ADGRL2: variants seen among roughly 807,000 people sequenced by gnomAD.
The protein encoded by ADGRL2 is calcium-independent alpha-latrotoxin receptor 2.
Under a neutral mutation model 157.4 loss-of-function variants are expected in ADGRL2, and 44 were observed. That is an observed-to-expected ratio of 0.28 (90% confidence interval 0.22 to 0.36). The LOEUF (loss-of-function observed/expected upper bound fraction) is 0.36, where lower values mean the gene tolerates loss of function less well. Among genes scored for constraint, ADGRL2 ranks in the 10% least tolerant of loss-of-function variants. ADGRL2 has a pLI of 1.00. For synonymous variants in ADGRL2, 585 were observed against 624.7 expected (o/e 0.94, Z 0.95); for missense variants, 1,510 against 1,768.9 (o/e 0.85, Z 2.63).
At chr1:81,335,589 C>A (rs1661577268) in intron 1 of ADGRL2, among the ~76,000 whole-genome samples, 1 of 152,098 alleles carries the variant, frequency 6.6e-6, no homozygotes, top group Non-Finnish European at 1.5e-5. Context: ...TACAGATGAA[C>A]AAATACAGGA....
chr1:81,492,122 CT>C (rs2147956215), intron 2 of ADGRL2, among the ~76,000 whole-genome samples: 1 of 152,220 alleles, frequency 6.6e-6, no homozygotes, highest in East Asian at 1.9e-4. Context: ...AACTTTGTTT[CT>C]TTCTAGTAGG....
At chr1:81,435,695 C>T (rs1390723918) in intron 1 of ADGRL2, among the ~76,000 whole-genome samples, 2 of 152,202 alleles carry the variant, frequency 1.3e-5, no homozygotes, top group Admixed American at 1.3e-4. Context: ...GAAATTTTGT[C>T]TGTTTCCTTG....
intron 1 of ADGRL2, among the ~76,000 whole-genome samples, chr1:81,835,909 T>A (rs1324549812): frequency 6.6e-6 from 1 of 152,134 alleles, no homozygotes; most frequent in Non-Finnish European, 1.5e-5. Flanking sequence ...CCATTTAACA[T>A]CTGCCTGCTT....
intron 1 of ADGRL2, among the ~76,000 whole-genome samples, chr1:81,353,026 A>G (rs1244565104): frequency 6.6e-6 from 1 of 152,202 alleles, no homozygotes; most frequent in Middle Eastern, 3.2e-3. Context: ...ATAATATCTA[A>G]TGTATAATGA....
intron 2 of ADGRL2, among the ~76,000 whole-genome samples, chr1:81,457,123 G>A (rs1370452835): frequency 2.0e-5 from 3 of 152,088 alleles, no homozygotes; most frequent in African/African-American, 7.2e-5. Context: ...AATATGAAAG[G>A]AAACAAAAAT....
chr1:81,445,859 A>T (rs2077588039), intron 2 of ADGRL2, among the ~76,000 whole-genome samples: 1 of 152,204 alleles, frequency 6.6e-6, no homozygotes, highest in Admixed American at 6.5e-5. Context: ...TAGCATAAAC[A>T]AATTAGTAGG....
chr1:81,340,417 G>T (rs2100758105), intron 1 of ADGRL2, among the ~76,000 whole-genome samples: 1 of 152,144 alleles, frequency 6.6e-6, no homozygotes, highest in African/African-American at 2.4e-5. Flanking sequence ...CCACATCAGT[G>T]CTTCCGGTAC....
chr1:81,317,276 C>T (rs1292739397), intron 1 of ADGRL2, among the ~76,000 whole-genome samples: 1 of 152,164 alleles, frequency 6.6e-6, no homozygotes, highest in Non-Finnish European at 1.5e-5. Flanking sequence ...TATTTCTTCA[C>T]TCTGTCTCAA....
At chr1:81,987,448 GAAAACC>G (rs1663506561) in intron 22 of ADGRL2, 2 of 785,950 alleles carry the variant, frequency 2.5e-6, no homozygotes, top group Non-Finnish European at 4.7e-6. Flanking sequence ...CCTAGCTATA[GAAAACC>G]ACATTCAGCC....
intron 2 of ADGRL2, among the ~76,000 whole-genome samples, chr1:81,487,239 G>A (rs1255782439): frequency 4.6e-5 from 7 of 152,044 alleles, no homozygotes. Flanking sequence ...CAGCCATCAT[G>A]ACAGAGTGAG....
intron 1 of ADGRL2, among the ~76,000 whole-genome samples, chr1:81,802,416 C>A (rs561555643): frequency 3.3e-5 from 5 of 152,060 alleles, no homozygotes; most frequent in South Asian, 2.1e-4. Context: ...TCCCTCCCCC[C>A]AATCTCCTCT....
chr1:81,949,742 A>AT (rs1225552301), intron 6 of ADGRL2, among the ~76,000 whole-genome samples: 1 of 152,134 alleles, frequency 6.6e-6, no homozygotes, highest in Non-Finnish European at 1.5e-5. Context: ...GTGACTTTAA[A>AT]TTTTTTTATC....
At chr1:81,337,705 T>A (rs762056657) in intron 1 of ADGRL2, among the ~76,000 whole-genome samples, 14 of 152,208 alleles carry the variant, frequency 9.2e-5, no homozygotes, top group African/African-American at 3.4e-4. Flanking sequence ...TCCATTGGTC[T>A]ACAGGATTTG....
chr1:81,987,893 G>T lies in ADGRL2; in HGVS notation c.3655+7G>T. The T allele has an allele frequency of 3.1e-6, 1 of 323,918 alleles. No individual in the cohort carries two copies. The highest frequency in any genetic ancestry group is 6.6e-6 in the Non-Finnish European group (1 of 150,612). 20.1% of individuals were successfully genotyped at this position (323,918 alleles called of 1,614,324 possible). ...GCAACCTACAGAGAGACAAGTATGG[G>T]AGTAAAACTTAACTTTGCCTATCAA... On this transcript the variant is annotated splice_region_variant and intron_variant, in intron 23 of 23. Coordinates refer to ENST00000686636, the MANE Select transcript of ADGRL2 (RefSeq NM_001366006.2).
intron 1 of ADGRL2, among the ~76,000 whole-genome samples, chr1:81,367,863 C>T (rs1037357034): frequency 1.3e-5 from 2 of 152,060 alleles, no homozygotes; most frequent in Non-Finnish European, 2.9e-5. Flanking sequence ...GATCTCATTC[C>T]TTTTTATGGC....
chr1:81,657,009 C>CAAAA (rs11383698), intron 3 of ADGRL2, among the ~76,000 whole-genome samples: 16 of 109,252 alleles, frequency 1.5e-4, no homozygotes, highest in African/African-American at 5.4e-4. Flanking sequence ...GACCCTGTCT[C>CAAAA]AAAAAAAAAA....
At chr1:81,348,140 A>T (rs1195861284) in intron 1 of ADGRL2, among the ~76,000 whole-genome samples, 2 of 152,176 alleles carry the variant, frequency 1.3e-5, no homozygotes, top group East Asian at 3.9e-4. Context: ...CCATGGGGTG[A>T]TGTTGACACC....
chr1:81,818,155 C>A (rs1453072604), intron 1 of ADGRL2, among the ~76,000 whole-genome samples: 1 of 149,996 alleles, frequency 6.7e-6, no homozygotes. Flanking sequence ...GGGCAACAGA[C>A]CTCTCAGAAA....
chr1:81,577,962 A>G (rs547168732), intron 2 of ADGRL2, among the ~76,000 whole-genome samples: 3 of 152,328 alleles, frequency 2.0e-5, no homozygotes, highest in Non-Finnish European at 1.5e-5. Flanking sequence ...TTAATTGCTT[A>G]TCAAGTTTTC....
Sources: allele counts gnomAD v4.1 joint callset (sites outside exome capture counted in the v4.1 genomes callset), GRCh38; gene constraint gnomAD v4.1.1; transcripts MANE v1.5; gene names NCBI Gene and HGNC (gene_info 2026-07-23, HGNC 2026-07-21).